The following AFDN variants were observed in gnomAD, a reference collection of about 807,000 sequenced individuals.
AFDN encodes the protein afadin, adherens junction formation factor, also known as afadin.
Under a neutral mutation model 216.6 loss-of-function variants are expected in AFDN, and 68 were observed. The observed-to-expected ratio is 0.31, with a 90% CI of 0.26 to 0.38. The LOEUF (loss-of-function observed/expected upper bound fraction) is 0.38. AFDN is among the 10% of genes least tolerant of loss of function. The pLI is 1.00. For missense variants in AFDN, 2,136 were observed against 2,342.0 expected, an observed-to-expected ratio of 0.91 and a Z score of 1.82; for synonymous variants, 868 against 853.7, an observed-to-expected ratio of 1.02 and a Z score of -0.29.
Position 167,946,691 on chromosome 6 carries a change from T to G in AFDN, c.3359-16T>G. 6.2e-7 allele frequency: 1 copy of G among 1,609,686 alleles called. No individual in the cohort carries two copies. Among genetic ancestry groups the G allele is most frequent in the South Asian group, 1.1e-5 (1 of 90,664 alleles). On this transcript the variant is annotated splice_polypyrimidine_tract_variant and intron_variant, in intron 26 of 33. Transcript: ENST00000683244. Reference sequence around the variant, plus strand: ...AAATAAAATCTTAAGAGATACTGAATATGCTTTGATTCCAGTTTCAGATCG... The same window carrying G: ...AAATAAAATCTTAAGAGATACTGAAGATGCTTTGATTCCAGTTTCAGATCG...
intron 1 of AFDN, among the ~76,000 whole-genome samples, chr6:167,834,445 G>C (rs1345595709): frequency 1.2e-5 from 1 of 82,302 alleles, no homozygotes; most frequent in African/African-American, 4.6e-5. Context: ...TTTTGTTGTT[G>C]TTGTTGTTTC....
In AFDN at chr6:167,951,624, C is replaced by T; in HGVS notation, c.4270C>T (p.Arg1424Cys). ...AERRKREEHQ[R>C]WYEKEKARLE... The stretch of plus-strand genomic sequence containing the variant: ...ACGGAGAAAGAGAGAAGAACATCAG[C>T]GTTGGTATGAGAAGGAGAAGGCCCG... Residue 1424 changes from arginine (R) to cysteine (C), a missense_variant, in exon 30 of 34, where the codon CGT (arginine) becomes TGT (cysteine). This residue lies in a region of AFDN where 981 missense variants were observed against 966.0 expected (regional missense o/e 1.02). Coordinates refer to ENST00000683244, the MANE Select transcript of AFDN (RefSeq NM_001386888.1). This position sits in a 1 kb window ranked among gnomAD's most constrained non-coding sequence, Gnocchi z 7.1. 2 of 1,614,010 alleles carry T rather than the reference C, an allele frequency of 1.2e-6. No individual in the cohort carries two copies. The highest frequency in any genetic ancestry group is 1.7e-6 in the Non-Finnish European group (2 of 1,180,016).
chr6:167,870,349 T>G (rs750878706), intron 2 of AFDN, 37 bp from the exon 3 acceptor site: 3 of 1,317,292 alleles, frequency 2.3e-6, no homozygotes, highest in Non-Finnish European at 3.2e-6. Flanking sequence ...GAAATAACCA[T>G]AGCTTATTCT....
chr6:167,956,981 TAGAC>T (rs1484486801), intron 30 of AFDN, among the ~76,000 whole-genome samples: 2 of 152,182 alleles, frequency 1.3e-5, no homozygotes, highest in African/African-American at 4.8e-5. Context: ...TCCTTTCACT[TAGAC>T]AGGCGGTCTA....
chr6:167,937,533 G>T (rs1182013748), intron 23 of AFDN, among the ~76,000 whole-genome samples: 9 of 152,124 alleles, frequency 5.9e-5, no homozygotes, highest in African/African-American at 2.2e-4. Flanking sequence ...CTCCCACCAT[G>T]CCTGGCCCTA....
At chr6:167,913,341 T>A in intron 15 of AFDN, 62 bp from the exon 16 acceptor site, 1 of 1,489,276 alleles carries the variant, frequency 6.7e-7, no homozygotes. Flanking sequence ...TAAACTATCA[T>A]GATTGTTTAC....
chr6:167,927,915 T>G (rs1792775209), intron 23 of AFDN, among the ~76,000 whole-genome samples: 1 of 152,104 alleles, frequency 6.6e-6, no homozygotes, highest in Non-Finnish European at 1.5e-5. Flanking sequence ...CAGGAAAAAA[T>G]CAGAATCACA....
intron 1 of AFDN, among the ~76,000 whole-genome samples, chr6:167,830,933 C>CTTTTTTTTTTTTT (rs71681602): frequency 1.3e-5 from 1 of 79,320 alleles, no homozygotes; most frequent in Non-Finnish European, 2.2e-5. Context: ...ATATTTGAAA[C>CTTTTTTTTTTTTT]TTTTTTTTTT....
In AFDN at chr6:167,913,428, G is replaced by A; in HGVS notation, c.2058+5G>A. 2 of 1,535,852 alleles carry A rather than the reference G, an allele frequency of 1.3e-6. No individual in the cohort carries two copies. Among genetic ancestry groups the A allele is most frequent in the Non-Finnish European group, 1.7e-6 (2 of 1,146,766 alleles). ...GAAGTAGACCAGGTTGACCAGGTAG[G>A]ACATCTGCTGGGAGCTGATCCTAGC... On this transcript the variant is annotated splice_donor_5th_base_variant and intron_variant, in intron 16 of 33. Transcript: ENST00000683244.
intron 18 of AFDN, 117 bp downstream of exon 18, chr6:167,914,855 G>A (rs757987365): frequency 5.5e-6 from 4 of 725,486 alleles, no homozygotes; most frequent in Non-Finnish European, 9.0e-6. Context: ...GTCCTTTTGG[G>A]TTTGGCAATC....
chr6:167,911,253 T>C (rs1489048621), intron 14 of AFDN, 31 bp from the exon 15 acceptor site: 1 of 1,605,816 alleles, frequency 6.2e-7, no homozygotes, highest in African/African-American at 1.3e-5. Context: ...TCTTTTTTCC[T>C]TTTTTCTTTG....
intron 23 of AFDN, among the ~76,000 whole-genome samples, chr6:167,936,980 T>G (rs1794085761): frequency 6.6e-6 from 1 of 152,222 alleles, no homozygotes; most frequent in Non-Finnish European, 1.5e-5. Flanking sequence ...ATTCAGCAGT[T>G]GTAGTTAGAA....
intron 13 of AFDN, among the ~76,000 whole-genome samples, chr6:167,910,147 A>T (rs1475358535): frequency 6.6e-6 from 1 of 152,242 alleles, no homozygotes; most frequent in Non-Finnish European, 1.5e-5. Flanking sequence ...ATTATCTTAC[A>T]CATTTAAAGA....
chr6:167,907,311 A>T, intron 13 of AFDN, 22 bp downstream of exon 13: 1 of 1,571,724 alleles, frequency 6.4e-7, no homozygotes, highest in Non-Finnish European at 8.8e-7. Flanking sequence ...ATCATTTTTC[A>T]ATGGTGAAAG....
chr6:167,846,235 T>C (rs62427663), intron 1 of AFDN, among the ~76,000 whole-genome samples: 135,663 of 151,862 alleles, frequency 0.89, 60,749 homozygotes, highest in Non-Finnish European at 0.92. Context: ...AGGTTCAAAT[T>C]TATTAAACTC....
At chr6:167,857,911 T>C (rs920895110) in intron 1 of AFDN, among the ~76,000 whole-genome samples, 3 of 152,204 alleles carry the variant, frequency 2.0e-5, no homozygotes, top group Non-Finnish European at 4.4e-5. Context: ...TTCTGTGTTA[T>C]GTACATGTGT....
chr6:167,841,192 C>T (rs1781030519), intron 1 of AFDN, among the ~76,000 whole-genome samples: 1 of 152,132 alleles, frequency 6.6e-6, no homozygotes, highest in South Asian at 2.1e-4. Flanking sequence ...TCAAAAATGT[C>T]AGTGGTAGAT....
chr6:167,893,048 A>G (rs754553932), intron 8 of AFDN, among the ~76,000 whole-genome samples: 33 of 152,260 alleles, frequency 2.2e-4, no homozygotes, highest in Middle Eastern at 3.4e-3. Flanking sequence ...GCCATGTGAC[A>G]AGTGACTCTG....
rs751290142 is a variant in AFDN, at chr6:167,870,498, G to A, written c.414G>A (p.Lys138=). 25 of 1,585,658 alleles carry A rather than the reference G, an allele frequency of 1.6e-5. No homozygotes were observed. Among genetic ancestry groups the A allele is most frequent in the Non-Finnish European group, 2.1e-5 (24 of 1,157,610 alleles). ...ATGAGAATGACGCCATTCCTCCTAA[G>A]GTAGGAACCCTCAGTATTTTATGAC... ...LKNENDAIPP[K]KAQSNGPEKQ... The change falls in exon 3 of 34, where the codon AAG becomes AAA. Residue 138 remains lysine (K), a splice_region_variant and synonymous_variant. Transcript: ENST00000683244.
Sources: allele counts gnomAD v4.1 joint callset (sites outside exome capture counted in the v4.1 genomes callset), GRCh38; gene constraint gnomAD v4.1.1; regional missense constraint gnomAD v4.1.1; non-coding constraint Gnocchi (gnomAD v3.1); transcripts MANE v1.5; gene names NCBI Gene and HGNC (gene_info 2026-07-23, HGNC 2026-07-21).